PVALB: variants seen among roughly 807,000 people sequenced by gnomAD.
The protein encoded by PVALB is parvalbumin alpha.
Under a neutral mutation model 10.9 loss-of-function variants are expected in PVALB, and 11 were observed. The ratio of observed to expected loss-of-function variants is 1.01; its 90% confidence interval spans 0.63 to 1.67. PVALB has a LOEUF of 1.67. Ranked by LOEUF, PVALB falls within the 40% of genes most tolerant of loss-of-function variation. The pLI is 0.00. For synonymous variants in PVALB, 57 were observed against 50.7 expected, an observed-to-expected ratio of 1.12 and a Z score of -0.53; for missense variants, 131 against 136.2, an observed-to-expected ratio of 0.96 and a Z score of 0.19.
intron 1 of PVALB, chr22:36,816,585 G>C (rs1017752173): frequency 6.8e-6 from 2 of 294,782 alleles, no homozygotes; most frequent in Non-Finnish European, 6.3e-6. Context: ...TCCCCTCTAA[G>C]TGCCTTAAAG....
chr22:36,809,489 G>C (rs1027295013), intron 3 of PVALB, among the ~76,000 whole-genome samples: 1 of 152,174 alleles, frequency 6.6e-6, no homozygotes, highest in Non-Finnish European at 1.5e-5. Flanking sequence ...CACAGGTCAC[G>C]TGCTTCGGAG....
intron 2 of PVALB, 104 bp from the exon 3 acceptor site, chr22:36,813,859 C>G (rs1939087591): frequency 1.1e-6 from 1 of 877,428 alleles, no homozygotes; most frequent in East Asian, 2.4e-5. Flanking sequence ...AAAGGGATGG[C>G]TGGGACAGGC....
chr22:36,808,175 T>C (rs900290436), intron 3 of PVALB, among the ~76,000 whole-genome samples: 1 of 152,242 alleles, frequency 6.6e-6, no homozygotes, highest in African/African-American at 2.4e-5. Context: ...AGCAAGTCGC[T>C]CTGCTTCCCG....
intron 3 of PVALB, among the ~76,000 whole-genome samples, chr22:36,806,182 G>A (rs1938946598): frequency 6.6e-6 from 1 of 152,160 alleles, no homozygotes; most frequent in South Asian, 2.1e-4. Context: ...ATCCAGAATG[G>A]TCATTCTCTT....
At position 36,816,934 on chromosome 22, in the gene PVALB, C is replaced by T. The variant is rs761792337; in HGVS notation, c.61+11G>A. The T allele has an allele frequency of 6.3e-7, 1 of 1,599,476 alleles. No homozygotes were observed. The highest frequency in any genetic ancestry group is 1.1e-5 in the South Asian group (1 of 89,500). ...GGGGAGAGGGATGGGGAGGGGAGCGCGCTTGCTCACCGCTAAAGGCTCCCA... is the reference window on the plus strand; with the variant it reads ...GGGGAGAGGGATGGGGAGGGGAGCGTGCTTGCTCACCGCTAAAGGCTCCCA... On this transcript the variant is annotated intron_variant, in intron 1 of 3. Transcript: ENST00000417718.
At chr22:36,801,426 C>G (rs1938862931) in intron 3 of PVALB, among the ~76,000 whole-genome samples, 1 of 152,208 alleles carries the variant, frequency 6.6e-6, no homozygotes, top group African/African-American at 2.4e-5. Context: ...CCACGTGCCA[C>G]TACGTGTCTC....
chr22:36,805,944 C>T (rs1352150503), intron 3 of PVALB, among the ~76,000 whole-genome samples: 2 of 152,200 alleles, frequency 1.3e-5, no homozygotes, highest in Admixed American at 1.3e-4. Context: ...CCCATCAGAG[C>T]TAGCATCCCA....
chr22:36,807,757 CCT>C lies in PVALB; in HGVS notation c.304+5887_304+5888del, dbSNP rs374302246. 1.9e-4 allele frequency among the ~76,000 whole-genome samples: 29 copies of C among 152,298 alleles called. No individual in the cohort carries two copies. The East Asian group carries it at 5.4e-3, about 28-fold the overall frequency. ...CCAGCATTTGGCTTTCTAATTTCTG[CCT>C]GACTCAGGTGCTCCACCACAGCCCA... is the stretch of plus-strand genomic sequence containing the variant. On this transcript the variant is annotated intron_variant, in intron 3 of 3. Coordinates refer to ENST00000417718, the MANE Select transcript of PVALB (RefSeq NM_001315532.2).
At chr22:36,817,928 A>G (rs531594362), upstream of PVALB, among the ~76,000 whole-genome samples, 1 of 152,206 alleles carries the variant, frequency 6.6e-6, no homozygotes, top group East Asian at 1.9e-4. Flanking sequence ...GAAGAAGGGT[A>G]GCACCTTCAG....
chr22:36,809,714 CCAT>C (rs1319310951), intron 3 of PVALB, among the ~76,000 whole-genome samples: 5 of 152,122 alleles, frequency 3.3e-5, no homozygotes, highest in African/African-American at 1.2e-4. Flanking sequence ...GATGCTATTG[CCAT>C]CATCACTCAA....
In PVALB at chr22:36,803,673, GTGGATGGA is replaced by G. The variant is rs535685267; in HGVS notation, c.305-2763_305-2756del. The stretch of plus-strand genomic sequence containing the variant: ...GATGAATGGATGGATGGGTGGGTGG[GTGGATGGA>G]TGGATGGATGGATGGATGGATGGAT... On this transcript the variant is annotated intron_variant, in intron 3 of 3. Transcript: ENST00000417718. Among the ~76,000 whole-genome samples the G allele has an allele frequency of 4.3e-4, 52 of 119,932 alleles. 1 individual carries two copies. Among genetic ancestry groups the G allele is most frequent in the Non-Finnish European group, 5.5e-4 (32 of 57,740 alleles). The allele number at this position is 119,932 out of a possible 152,430, so 78.7% of individuals were successfully genotyped here.
chr22:36,812,806 G>T (rs1002731878), intron 3 of PVALB, among the ~76,000 whole-genome samples: 1 of 152,220 alleles, frequency 6.6e-6, no homozygotes, highest in African/African-American at 2.4e-5. Context: ...CCACTCCACC[G>T]CTATGTCCTA....
chr22:36,812,814 C>T (rs1006203029), intron 3 of PVALB, among the ~76,000 whole-genome samples: 3 of 152,230 alleles, frequency 2.0e-5, no homozygotes, highest in East Asian at 1.9e-4. Context: ...CCGCTATGTC[C>T]TAGCTCTTTC....
chr22:36,808,406 G>A (rs1938994973), intron 3 of PVALB, among the ~76,000 whole-genome samples: 1 of 152,168 alleles, frequency 6.6e-6, no homozygotes, highest in Non-Finnish European at 1.5e-5. Flanking sequence ...GAGGCAGGAT[G>A]GCAGAGGGTC....
In PVALB at chr22:36,800,777, G is replaced by C. The variant is rs1343752512; in HGVS notation, c.*113C>G. Reference sequence around the variant, plus strand: ...GTCATTAGAGGGCCACAGGGGATGGGGGAGTAAAAAATAACATAAACGAAC... The same window carrying C: ...GTCATTAGAGGGCCACAGGGGATGGCGGAGTAAAAAATAACATAAACGAAC... On this transcript the variant is annotated 3_prime_UTR_variant, in exon 4 of 4. Coordinates refer to ENST00000417718, the MANE Select transcript of PVALB (RefSeq NM_001315532.2). 5 of 1,175,178 alleles carry C rather than the reference G, an allele frequency of 4.3e-6. No individual in the cohort carries two copies. The African/African-American group carries it at 7.6e-5, about 18-fold the overall frequency. 72.8% of individuals were successfully genotyped at this position (1,175,178 alleles called of 1,614,324 possible).
chr22:36,804,679 T>C (rs1401856368), intron 3 of PVALB, among the ~76,000 whole-genome samples: 1 of 152,198 alleles, frequency 6.6e-6, no homozygotes, highest in African/African-American at 2.4e-5. Context: ...CTCATGCCTG[T>C]AATCACAGCA....
intron 3 of PVALB, 78 bp downstream of exon 3, chr22:36,813,568 C>T: frequency 8.3e-7 from 1 of 1,202,550 alleles, no homozygotes; most frequent in Non-Finnish European, 1.2e-6. Context: ...TTCCTTGTGA[C>T]AGACATAGCT....
At chr22:36,813,283 C>T (rs539182939) in intron 3 of PVALB, among the ~76,000 whole-genome samples, 1 of 151,906 alleles carries the variant, frequency 6.6e-6, no homozygotes, top group African/African-American at 2.4e-5. Context: ...AGAGGCCCAG[C>T]GATCGAGAGA....
chr22:36,802,261 A>AAC (rs1297619677), intron 3 of PVALB, among the ~76,000 whole-genome samples: 1 of 152,026 alleles, frequency 6.6e-6, no homozygotes, highest in Non-Finnish European at 1.5e-5. Context: ...AAAAAGTGAA[A>AAC]ACACACACAC....
Sources: allele counts gnomAD v4.1 joint callset (sites outside exome capture counted in the v4.1 genomes callset), GRCh38; gene constraint gnomAD v4.1.1; transcripts MANE v1.5; gene names NCBI Gene and HGNC (gene_info 2026-07-23, HGNC 2026-07-21).